DACH1: variants seen among roughly 807,000 people sequenced by gnomAD.
DACH1 encodes dachshund family transcription factor 1.
Under a neutral mutation model 54.2 loss-of-function variants are expected in DACH1, and 12 were observed. The observed-to-expected ratio is 0.22, with a 90% CI of 0.14 to 0.36. The LOEUF is 0.36. Among genes scored for constraint, DACH1 ranks in the 10% least tolerant of loss-of-function variants. The pLI is 1.00. For missense variants in DACH1, 805 were observed against 929.8 expected, an observed-to-expected ratio of 0.87 and a Z score of 1.75; for synonymous variants, 386 against 366.2, an observed-to-expected ratio of 1.05 and a Z score of -0.62.
At chr13:71,674,686 T>C (rs1353403600) in intron 2 of DACH1, among the ~76,000 whole-genome samples, 1 of 152,130 alleles carries the variant, frequency 6.6e-6, no homozygotes, top group Non-Finnish European at 1.5e-5. Flanking sequence ...CAAGTATAAA[T>C]TGTGGTTTTG....
chr13:71,623,450 T>C (rs1384298497), intron 3 of DACH1, among the ~76,000 whole-genome samples: 6 of 151,678 alleles, frequency 4.0e-5, no homozygotes, highest in African/African-American at 1.2e-4. Context: ...AAAGGATACA[T>C]AGTACCAAGG....
chr13:71,643,296 T>C (rs73521289), intron 2 of DACH1, among the ~76,000 whole-genome samples: 159 of 152,344 alleles, frequency 1.0e-3, no homozygotes, highest in African/African-American at 3.7e-3. Context: ...ATGACAGTCC[T>C]ACAAAGAGTT....
At chr13:71,592,494 C>CAAAAAAAAAAAAAAAAAAAAAAAGAAAA (rs1873794626) in intron 3 of DACH1, among the ~76,000 whole-genome samples, 3 of 32,784 alleles carry the variant, frequency 9.2e-5, no homozygotes, top group Non-Finnish European at 1.8e-4. Context: ...GACTCTATCT[C>CAAAAAAAAAAAAAAAAAAAAAAAGAAAA]AAAAAAAAAA....
chr13:71,707,677 T>C (rs1490477706), intron 1 of DACH1, among the ~76,000 whole-genome samples: 1 of 152,174 alleles, frequency 6.6e-6, no homozygotes, highest in Non-Finnish European at 1.5e-5. Flanking sequence ...CTTAAAAGCC[T>C]ACCTAGATTT....
In DACH1 at chr13:71,572,904, G is replaced by T; in HGVS notation, c.1235C>A (p.Ala412Glu). 1.2e-6 allele frequency: 2 copies of T among 1,614,022 alleles called. No homozygotes were observed. The highest frequency in any genetic ancestry group is 1.7e-6 in the Non-Finnish European group (2 of 1,179,962). Reference sequence around the variant, plus strand: ...AACTTGTGCTGCTGCTGCCATATTTGCAATGGTGCTGAGGTGGTTCATCTG... The same window carrying T: ...AACTTGTGCTGCTGCTGCCATATTTTCAATGGTGCTGAGGTGGTTCATCTG... ...MSQMNHLSTI[A>E]NMAAAAQVQS... Residue 412 changes from alanine (A) to glutamate (E), a missense_variant, in exon 4 of 11, where the codon GCA becomes GAA. Around this residue, in one of 3 missense-constraint regions of DACH1, gnomAD observed 472 missense variants for 545.3 expected, o/e 0.87. Coordinates refer to ENST00000613252, the MANE Select transcript of DACH1 (RefSeq NM_080759.6).
rs538900189 is a variant in DACH1 at position 71,695,374 on chromosome 13, C to T, written c.849-13464G>A. On this transcript the variant is annotated intron_variant, in intron 1 of 10. Coordinates refer to ENST00000613252, the MANE Select transcript of DACH1 (RefSeq NM_080759.6). Reference sequence around the variant, plus strand: ...AAACAAGGCAGCAAAATATAACCCTCTCTCCAAAAGTCGTCTTCTTATTGT... The same window carrying T: ...AAACAAGGCAGCAAAATATAACCCTTTCTCCAAAAGTCGTCTTCTTATTGT... Among the ~76,000 whole-genome samples the T allele has an allele frequency of 3.3e-5, 5 of 152,296 alleles. No homozygotes were observed. In the South Asian group the frequency reaches 1.0e-3, roughly 32 times the overall value.
At chr13:71,647,059 T>G (rs1025444596) in intron 2 of DACH1, among the ~76,000 whole-genome samples, 1 of 152,228 alleles carries the variant, frequency 6.6e-6, no homozygotes, top group East Asian at 1.9e-4. Context: ...GACAACAGAC[T>G]TATAATATTT....
intron 1 of DACH1, among the ~76,000 whole-genome samples, chr13:71,736,032 C>T (rs943831627): frequency 6.6e-6 from 1 of 152,080 alleles, no homozygotes; most frequent in Non-Finnish European, 1.5e-5. Context: ...ATGATACTAG[C>T]TACCAAAATA....
intron 4 of DACH1, among the ~76,000 whole-genome samples, chr13:71,566,762 T>A (rs915938756): frequency 2.0e-5 from 3 of 152,106 alleles, no homozygotes; most frequent in African/African-American, 7.2e-5. Flanking sequence ...AATATTCAAA[T>A]AAACCTAAAG....
At chr13:71,643,228 A>G (rs1878034084) in intron 2 of DACH1, among the ~76,000 whole-genome samples, 1 of 152,154 alleles carries the variant, frequency 6.6e-6, no homozygotes, top group South Asian at 2.1e-4. Context: ...TCATGCATTT[A>G]TTAGATTTCA....
At chr13:71,772,892 G>A (rs986860972) in intron 1 of DACH1, among the ~76,000 whole-genome samples, 4 of 151,726 alleles carry the variant, frequency 2.6e-5, no homozygotes, top group Admixed American at 2.6e-4. Flanking sequence ...TCTCTAAAAT[G>A]TATACTCATG....
chr13:71,733,659 T>A (rs1212713838), intron 1 of DACH1, among the ~76,000 whole-genome samples: 2 of 152,150 alleles, frequency 1.3e-5, no homozygotes, highest in Non-Finnish European at 2.9e-5. Context: ...TATCCCAGTG[T>A]GTTGGTGACT....
At chr13:71,587,217 T>C (rs930219686) in intron 3 of DACH1, among the ~76,000 whole-genome samples, 1 of 152,078 alleles carries the variant, frequency 6.6e-6, no homozygotes, top group African/African-American at 2.4e-5. Flanking sequence ...TCCAACGTAT[T>C]CAATAAAGTG....
intron 6 of DACH1, among the ~76,000 whole-genome samples, chr13:71,536,668 G>A (rs939801026): frequency 6.6e-6 from 1 of 152,092 alleles, no homozygotes; most frequent in African/African-American, 2.4e-5. Context: ...AAAACTTGGA[G>A]TGTTTATTCT....
rs140770422 is a variant in DACH1, at chr13:71,587,212, C to T, written c.1127-14200G>A. ...TAGATGAATTTTAGGTTTGCTCCAA[C>T]GTATTCAATAAAGTGTGATTAATTT... On this transcript the variant is annotated intron_variant, in intron 3 of 10. Coordinates refer to ENST00000613252, the MANE Select transcript of DACH1 (RefSeq NM_080759.6). 1.1e-4 allele frequency among the ~76,000 whole-genome samples: 17 copies of T among 151,986 alleles called. No homozygotes were observed. The East Asian group carries it at 2.3e-3, about 21-fold the overall frequency.
intron 6 of DACH1, among the ~76,000 whole-genome samples, chr13:71,527,873 A>T (rs1383736513): frequency 3.1e-5 from 4 of 129,910 alleles, no homozygotes; most frequent in Non-Finnish European, 5.4e-5. Flanking sequence ...AGTTACTAAT[A>T]AAAAAAAAAT....
At chr13:71,792,498 A>G (rs1318181438) in intron 1 of DACH1, among the ~76,000 whole-genome samples, 1 of 152,174 alleles carries the variant, frequency 6.6e-6, no homozygotes, top group East Asian at 1.9e-4. Context: ...TAGTTTTGAT[A>G]ATAGACAATA....
chr13:71,676,520 G>A (rs569253492), intron 2 of DACH1, among the ~76,000 whole-genome samples: 2 of 152,100 alleles, frequency 1.3e-5, no homozygotes, highest in Non-Finnish European at 1.5e-5. Context: ...CCCAGCCTAG[G>A]CACAGTTTTA....
intron 3 of DACH1, among the ~76,000 whole-genome samples, chr13:71,608,873 A>G (rs1875092232): frequency 6.6e-6 from 1 of 152,090 alleles, no homozygotes. Flanking sequence ...ACTATAGAAT[A>G]CATGGGCATA....
Sources: allele counts gnomAD v4.1 joint callset (sites outside exome capture counted in the v4.1 genomes callset), GRCh38; gene constraint gnomAD v4.1.1; regional missense constraint gnomAD v4.1.1; transcripts MANE v1.5; gene names NCBI Gene and HGNC (gene_info 2026-07-23, HGNC 2026-07-21).